Variants in CCDC192 observed in about 807,000 individuals in gnomAD.
CCDC192 encodes the protein coiled-coil domain containing 192.
chr5:127,761,798 GAAAC>G (rs1380509046), intron 3 of CCDC192, among the ~76,000 whole-genome samples: 4 of 151,976 alleles, frequency 2.6e-5, no homozygotes, highest in Non-Finnish European at 4.4e-5. Flanking sequence ...GCTTGGACTA[GAAAC>G]AAACAACGCC....
At chr5:127,840,037 A>G (rs1723347666) in intron 5 of CCDC192, among the ~76,000 whole-genome samples, 1 of 152,206 alleles carries the variant, frequency 6.6e-6, no homozygotes, top group African/African-American at 2.4e-5. Context: ...GTGAGCCATT[A>G]TTGCAGACTC....
chr5:127,754,428 C>G, intron 3 of CCDC192, 53 bp downstream of exon 3: 1 of 393,344 alleles, frequency 2.5e-6, no homozygotes, highest in Non-Finnish European at 4.5e-6. Flanking sequence ...TGCAGCATGG[C>G]AAGTGTAAAT....
intron 6 of CCDC192, among the ~76,000 whole-genome samples, chr5:127,886,511 C>T (rs933596750): frequency 6.6e-6 from 1 of 152,162 alleles, no homozygotes; most frequent in Non-Finnish European, 1.5e-5. Flanking sequence ...TCCTCAGATG[C>T]TGAGGATGAA....
chr5:127,755,993 C>T (rs72790349), intron 3 of CCDC192, among the ~76,000 whole-genome samples: 198 of 152,062 alleles, frequency 1.3e-3, no homozygotes, highest in Non-Finnish European at 2.0e-3. Flanking sequence ...ATTAGCCCAG[C>T]GTAGTGGGTG....
intron 2 of CCDC192, among the ~76,000 whole-genome samples, chr5:127,710,318 T>C (rs111483394): frequency 6.5e-4 from 99 of 152,226 alleles, no homozygotes; most frequent in African/African-American, 2.3e-3. Flanking sequence ...AGGAACCGAA[T>C]TGCAGGTGGA....
At chr5:127,706,171 A>T (rs1750946532) in intron 1 of CCDC192, among the ~76,000 whole-genome samples, 2 of 152,204 alleles carry the variant, frequency 1.3e-5, no homozygotes, top group African/African-American at 4.8e-5. Flanking sequence ...ATGGAAATAA[A>T]ACAATGTATT....
At chr5:127,885,912 TTAAA>T (rs1486074425) in intron 6 of CCDC192, among the ~76,000 whole-genome samples, 2 of 152,152 alleles carry the variant, frequency 1.3e-5, no homozygotes, top group Admixed American at 6.5e-5. Flanking sequence ...AATTCCTCAA[TTAAA>T]TAAAGCCATA....
At chr5:127,744,873 G>A (rs567019856) in intron 2 of CCDC192, among the ~76,000 whole-genome samples, 126 of 152,230 alleles carry the variant, frequency 8.3e-4, no homozygotes, top group African/African-American at 2.9e-3. Context: ...TAAAACAACC[G>A]TTCCATCACT....
At chr5:127,827,147 T>C (rs1462791139) in intron 5 of CCDC192, among the ~76,000 whole-genome samples, 2 of 152,172 alleles carry the variant, frequency 1.3e-5, no homozygotes, top group Non-Finnish European at 2.9e-5. Context: ...TGTAGGGCTG[T>C]CTGGGCCAGC....
chr5:127,753,169 G>A (rs1433584061), intron 2 of CCDC192, among the ~76,000 whole-genome samples: 2 of 152,194 alleles, frequency 1.3e-5, no homozygotes, highest in African/African-American at 4.8e-5. Flanking sequence ...ATTGGAAGCA[G>A]CTGCAGCAGG....
At chr5:127,733,718 CTGAGA>C (rs1375657302) in intron 2 of CCDC192, among the ~76,000 whole-genome samples, 1 of 152,070 alleles carries the variant, frequency 6.6e-6, no homozygotes, top group Non-Finnish European at 1.5e-5. Context: ...TTCCCTGAAT[CTGAGA>C]TATTACTTCT....
intron 2 of CCDC192, among the ~76,000 whole-genome samples, chr5:127,747,199 G>A (rs983026692): frequency 2.0e-5 from 3 of 151,652 alleles, no homozygotes; most frequent in African/African-American, 7.3e-5. Flanking sequence ...CTGGTGTGCT[G>A]CACCCACTAA....
At chr5:127,848,411 T>C (rs370213381) in intron 5 of CCDC192, among the ~76,000 whole-genome samples, 1 of 152,246 alleles carries the variant, frequency 6.6e-6, no homozygotes, top group Non-Finnish European at 1.5e-5. Context: ...GTTTACCTGA[T>C]ATCCATTGGC....
At chr5:127,861,467 C>A (rs376948704) in intron 5 of CCDC192, among the ~76,000 whole-genome samples, 1 of 151,432 alleles carries the variant, frequency 6.6e-6, no homozygotes, top group African/African-American at 2.4e-5. Flanking sequence ...CCAGCCCAGC[C>A]AACATAGCAA....
chr5:127,776,741 C>T (rs1040642215), intron 3 of CCDC192, among the ~76,000 whole-genome samples: 1 of 152,182 alleles, frequency 6.6e-6, no homozygotes, highest in Non-Finnish European at 1.5e-5. Flanking sequence ...CCCTGCATTC[C>T]AGCCACTCCA....
At chr5:127,925,846 G>A (rs572877235) in intron 6 of CCDC192, among the ~76,000 whole-genome samples, 2 of 152,186 alleles carry the variant, frequency 1.3e-5, no homozygotes, top group South Asian at 4.2e-4. Context: ...AACAATAAAT[G>A]TCCAAGTGCT....
chr5:127,890,326 G>A (rs1483907648), intron 6 of CCDC192, among the ~76,000 whole-genome samples: 1 of 152,018 alleles, frequency 6.6e-6, no homozygotes, highest in East Asian at 1.9e-4. Context: ...ACAGTGAGAT[G>A]TCATTTTGTG....
intron 2 of CCDC192, among the ~76,000 whole-genome samples, chr5:127,743,371 G>T (rs571437208): frequency 6.6e-6 from 1 of 152,126 alleles, no homozygotes; most frequent in South Asian, 2.1e-4. Flanking sequence ...TCATCCCTTC[G>T]TTTAACTCTC....
intron 2 of CCDC192, among the ~76,000 whole-genome samples, chr5:127,753,163 G>C (rs2126871195): frequency 6.6e-6 from 1 of 152,248 alleles, no homozygotes. Flanking sequence ...GGGTTAATTG[G>C]AAGCAGCTGC....
Sources: gnomAD v4.1 joint callset for allele counts (sites outside exome capture counted in the v4.1 genomes callset) on GRCh38, gnomAD v4.1.1 for gene constraint, MANE v1.5 for transcripts, NCBI Gene and HGNC (gene_info 2026-07-23, HGNC 2026-07-21) for gene names.